JPH2: variants seen among roughly 807,000 people sequenced by gnomAD.
JPH2 encodes the protein junctophilin-2.
Under a neutral mutation model 55.9 loss-of-function variants are expected in JPH2, and 38 were observed. The observed-to-expected ratio is 0.68, with a 90% CI of 0.52 to 0.89. The LOEUF (loss-of-function observed/expected upper bound fraction) is 0.89, where lower values mean the gene tolerates loss of function less well. JPH2 is among the 40% of genes least tolerant of loss of function. The probability of loss-of-function intolerance (pLI) is 0.00; values close to 1 mark genes in which losing one functional copy is unlikely to be tolerated. For missense variants in JPH2, 964 were observed against 1,037.6 expected (o/e 0.93, Z 0.97); for synonymous variants, 480 against 472.4 (o/e 1.02, Z -0.21).
intron 2 of JPH2, among the ~76,000 whole-genome samples, chr20:44,129,187 G>A (rs1600837006): frequency 6.6e-6 from 1 of 152,188 alleles, no homozygotes; most frequent in African/African-American, 2.4e-5. Context: ...GCCTCCAGCT[G>A]GAGTGAAGCC....
At chr20:44,134,676 T>TAA (rs1369271373) in intron 2 of JPH2, among the ~76,000 whole-genome samples, 1 of 34,050 alleles carries the variant, frequency 2.9e-5, no homozygotes, top group Non-Finnish European at 4.7e-5. Flanking sequence ...AAATATATAT[T>TAA]TATAAATATT....
Position 44,160,854 on chromosome 20 carries a change from C to T in JPH2, c.380-447G>A, listed in dbSNP as rs1018260405. Among the ~76,000 whole-genome samples, 2 of 152,108 alleles carry T rather than the reference C, an allele frequency of 1.3e-5. No homozygotes were observed. The highest frequency in any genetic ancestry group is 4.8e-5 in the African/African-American group (2 of 41,414). ...ATCCCAGCACTTGGGAAGGTGGAGG[C>T]GGATGGATCGCTTGAGCTCAGGAGT... On this transcript the variant is annotated intron_variant, in intron 1 of 5. Transcript: ENST00000372980. The surrounding 1 kb of genome is among the most constrained non-coding windows in gnomAD (Gnocchi z 4.9).
chr20:44,115,852 G>C lies in JPH2; in HGVS notation c.1823C>G (p.Thr608Arg), dbSNP rs750776027. The C allele has an allele frequency of 5.2e-5, 83 of 1,591,948 alleles. 1 individual carries two copies. The highest frequency in any genetic ancestry group is 3.4e-6 in the Non-Finnish European group (4 of 1,174,628). ...GCGTGCAGGCTCGGGGCCTCGGAGC[G>C]TGGGGGCCTGCAGCGGGGCGGTGGC... Reference protein sequence around the residue: ...SPATAPLQAPTLRGPEPARET... With the variant: ...SPATAPLQAPRLRGPEPARET... Residue 608 changes from threonine (T) to arginine (R), a missense_variant, in exon 4 of 6, where the codon ACG becomes AGG. By Grantham distance (71) the Thr-to-Arg change is moderately conservative. Transcript: ENST00000372980.
rs1569195206 is a variant in JPH2 at position 44,134,682 on chromosome 20, A to ATATATAAATATT, written c.1170-16060_1170-16059insAATATTTATATA. Reference sequence around the variant, plus strand: ...AATATATATAAATATATATTTATAAATATTATAAATATATATACATTAATA... The same window carrying ATATATAAATATT: ...AATATATATAAATATATATTTATAAATATATAAATATTTATTATAAATATATATACATTAATA... On this transcript the variant is annotated intron_variant, in intron 2 of 5. Transcript: ENST00000372980. 3.6e-4 allele frequency among the ~76,000 whole-genome samples: 4 copies of ATATATAAATATT among 11,238 alleles called. 1 individual carries two copies. The highest frequency in any genetic ancestry group is 9.9e-4 in the African/African-American group (3 of 3,040). 7.4% of individuals were successfully genotyped at this position (11,238 alleles called of 152,430 possible).
chr20:44,127,094 A>C (rs2072282221), intron 2 of JPH2, among the ~76,000 whole-genome samples: 1 of 152,230 alleles, frequency 6.6e-6, no homozygotes, highest in Non-Finnish European at 1.5e-5. Context: ...GTGTCATCTA[A>C]ACATCATTTC....
chr20:44,128,917 T>G (rs2072295634), intron 2 of JPH2, among the ~76,000 whole-genome samples: 1 of 152,168 alleles, frequency 6.6e-6, no homozygotes, highest in Non-Finnish European at 1.5e-5. Context: ...CTTACTGAAA[T>G]TCTCTGTGCT....
At chr20:44,171,526 C>G (rs537806133) in intron 1 of JPH2, among the ~76,000 whole-genome samples, 9 of 152,230 alleles carry the variant, frequency 5.9e-5, no homozygotes, top group Admixed American at 2.6e-4. Context: ...CCACAAAACC[C>G]TCATGATCTG....
chr20:44,144,279 G>A (rs1226078153), intron 2 of JPH2, among the ~76,000 whole-genome samples: 1 of 152,150 alleles, frequency 6.6e-6, no homozygotes, highest in Non-Finnish European at 1.5e-5. Context: ...AAAGGAGACA[G>A]CTGGCCTCAC....
chr20:44,160,066 T>C lies in JPH2; in HGVS notation c.721A>G (p.Ser241Gly). Residue 241 changes from serine (S) to glycine (G), a missense_variant, in exon 2 of 6, where the codon AGC becomes GGC. By Grantham distance (56) the Ser-to-Gly change is moderately conservative. Coordinates refer to ENST00000372980, the MANE Select transcript of JPH2 (RefSeq NM_020433.5). The surrounding 1 kb of genome is among the most constrained non-coding windows in gnomAD (Gnocchi z 4.9). Reference sequence around the variant, plus strand: ...AGGAAGCTGACACGGCTGCGCTGGCTACCCACGGACGTGCGCGACTCTGCG... The same window carrying C: ...AGGAAGCTGACACGGCTGCGCTGGCCACCCACGGACGTGCGCGACTCTGCG... ...RRAESRTSVGSQRSRVSFLKS... is the reference protein window; with the variant it reads ...RRAESRTSVGGQRSRVSFLKS... The C allele has an allele frequency of 6.5e-7, 1 of 1,539,906 alleles. No individual in the cohort carries two copies. Among genetic ancestry groups the C allele is most frequent in the East Asian group, 2.4e-5 (1 of 41,142 alleles).
intron 2 of JPH2, among the ~76,000 whole-genome samples, chr20:44,139,678 G>A (rs1028232832): frequency 2.6e-5 from 4 of 152,140 alleles, no homozygotes; most frequent in Non-Finnish European, 5.9e-5. Context: ...GTATGAAATT[G>A]CCATTTTATA....
At chr20:44,117,510 A>C (rs1418620871) in intron 3 of JPH2, among the ~76,000 whole-genome samples, 1 of 152,138 alleles carries the variant, frequency 6.6e-6, no homozygotes, top group Admixed American at 6.5e-5. Flanking sequence ...ACCCAGCGCT[A>C]TCTGGTACAG....
At chr20:44,119,091 TA>T (rs1471309410) in intron 2 of JPH2, among the ~76,000 whole-genome samples, 1 of 152,214 alleles carries the variant, frequency 6.6e-6, no homozygotes, top group Non-Finnish European at 1.5e-5. Context: ...TGCATAATAA[TA>T]TACATAGGAT....
rs4378864 is a variant in JPH2 at position 44,107,321 on chromosome 20, C to G, written c.*6197G>C. ...AAGTGGGACAATGGGGATGGTACTA[C>G]AGGCTGTACTGTCTTGTCTGTTTAC... is the stretch of plus-strand genomic sequence containing the variant. On this transcript the variant is annotated 3_prime_UTR_variant, in exon 6 of 6. Transcript: ENST00000372980. 0.45 allele frequency among the ~76,000 whole-genome samples: 67,857 copies of G among 151,762 alleles called. 15,435 individuals are homozygous for G. The highest frequency in any genetic ancestry group is 0.54 in the African/African-American group (22,318 of 41,362).
At chr20:44,122,636 AAAGTGGAGATAGT>A (rs2072245427) in intron 2 of JPH2, among the ~76,000 whole-genome samples, 2 of 152,114 alleles carry the variant, frequency 1.3e-5, no homozygotes, top group Admixed American at 1.3e-4. Flanking sequence ...CTTCATCTGT[AAAGTGGAGATAGT>A]AATTCTCCCC....
intron 2 of JPH2, among the ~76,000 whole-genome samples, chr20:44,142,944 G>T (rs572376337): frequency 6.6e-6 from 1 of 152,278 alleles, no homozygotes; most frequent in East Asian, 1.9e-4. Flanking sequence ...GCTAGGCCAG[G>T]TGCTGGCACC....
In JPH2 at chr20:44,134,889, A is replaced by AT. The variant is rs1569195849; in HGVS notation, c.1170-16267_1170-16266insA. The stretch of plus-strand genomic sequence containing the variant: ...AAATATATATATTTATATATATATT[A>AT]ATATATATTTATATATATATATAAA... On this transcript the variant is annotated intron_variant, in intron 2 of 5. Transcript: ENST00000372980. Among the ~76,000 whole-genome samples, 201 of 37,024 alleles carry AT rather than the reference A, an allele frequency of 5.4e-3. 1 individual carries two copies. The highest frequency in any genetic ancestry group is 8.4e-3 in the Non-Finnish European group (158 of 18,814). The allele number at this position is 37,024 out of a possible 152,430, so 24.3% of individuals were successfully genotyped here.
At chr20:44,137,255 C>CA (rs1324088529) in intron 2 of JPH2, among the ~76,000 whole-genome samples, 1 of 152,126 alleles carries the variant, frequency 6.6e-6, no homozygotes, top group Middle Eastern at 3.2e-3. Flanking sequence ...CGCCCCACCC[C>CA]ACCCGGGAGC....
In JPH2 at chr20:44,107,664, A is replaced by G. The variant is rs2072116450; in HGVS notation, c.*5854T>C. On this transcript the variant is annotated 3_prime_UTR_variant, in exon 6 of 6. Transcript: ENST00000372980. ...CAAACTTATATGGTGTATAGCAATT[A>G]TAAACTGTGGAGTCAATTACCTCAG... 6.6e-6 allele frequency among the ~76,000 whole-genome samples: 1 copy of G among 152,244 alleles called. No homozygotes were observed. The highest frequency in any genetic ancestry group is 2.4e-5 in the African/African-American group (1 of 41,470).
chr20:44,127,271 T>C (rs1250550048), intron 2 of JPH2, among the ~76,000 whole-genome samples: 1 of 152,220 alleles, frequency 6.6e-6, no homozygotes, highest in Non-Finnish European at 1.5e-5. Flanking sequence ...TATGGACATC[T>C]GTGTACAGGT....
Sources: allele counts gnomAD v4.1 joint callset (sites outside exome capture counted in the v4.1 genomes callset), GRCh38; gene constraint gnomAD v4.1.1; non-coding constraint Gnocchi (gnomAD v3.1); transcripts MANE v1.5; gene names NCBI Gene and HGNC (gene_info 2026-07-23, HGNC 2026-07-21).